The following RBMS3 variants were observed in gnomAD, a reference collection of about 807,000 sequenced individuals.
RBMS3 encodes RNA binding motif single stranded interacting protein 3, also known as RNA-binding motif, single-stranded-interacting protein 3.
Under a neutral mutation model 66.8 loss-of-function variants are expected in RBMS3, and 27 were observed. The ratio of observed to expected loss-of-function variants is 0.40; its 90% CI spans 0.30 to 0.56. The LOEUF is 0.56. Among genes scored for constraint, RBMS3 ranks in the 20% least tolerant of loss-of-function variants. RBMS3 has a pLI of 0.40. For missense variants in RBMS3, 513 were observed against 549.5 expected, an observed-to-expected ratio of 0.93 and a Z score of 0.66; for synonymous variants, 188 against 183.0, an observed-to-expected ratio of 1.03 and a Z score of -0.22.
At chr3:29,583,300 C>G (rs74788590) in intron 3 of RBMS3, among the ~76,000 whole-genome samples, 3,519 of 152,106 alleles carry the variant, frequency 0.023, 104 homozygotes, top group Admixed American at 0.092. Context: ...AGAGAAGGCA[C>G]GCTAGACTAA....
chr3:29,958,586 G>A (rs971133725), intron 12 of RBMS3, among the ~76,000 whole-genome samples: 1 of 151,958 alleles, frequency 6.6e-6, no homozygotes, highest in African/African-American at 2.4e-5. Context: ...AAACTCAATT[G>A]AATTATATTG....
intron 3 of RBMS3, among the ~76,000 whole-genome samples, chr3:29,586,826 A>G (rs1193238466): frequency 1.3e-5 from 2 of 152,158 alleles, no homozygotes; most frequent in African/African-American, 2.4e-5. Flanking sequence ...ACACGGTTAA[A>G]CAGTCTATTA....
intron 3 of RBMS3, among the ~76,000 whole-genome samples, chr3:29,530,436 A>G (rs1445829789): frequency 6.6e-6 from 1 of 152,230 alleles, no homozygotes; most frequent in East Asian, 1.9e-4. Flanking sequence ...CAATTTGTAA[A>G]ATGTGCATGA....
Position 29,281,491 on chromosome 3 carries a change from T to G in RBMS3, c.-191T>G. The stretch of plus-strand genomic sequence containing the variant: ...CTCCTCGCCCTTTTTTTTTTTCCTT[T>G]GGTGTGTGTTTTTTGTTTTGTTTTG... On this transcript the variant is annotated 5_prime_UTR_variant, in exon 1 of 15. Transcript: ENST00000383767. 1.7e-6 allele frequency: 1 copy of G among 573,002 alleles called. No individual in the cohort carries two copies. Among genetic ancestry groups the G allele is most frequent in the Non-Finnish European group, 3.1e-6 (1 of 326,480 alleles). The allele number at this position is 573,002 out of a possible 1,614,324, so 35.5% of individuals were successfully genotyped here.
At chr3:29,315,213 A>G (rs9858957) in intron 1 of RBMS3, among the ~76,000 whole-genome samples, 179 of 151,976 alleles carry the variant, frequency 1.2e-3, no homozygotes, top group African/African-American at 3.9e-3. Context: ...AGAAATATAT[A>G]CATTCAGAGA....
intron 5 of RBMS3, among the ~76,000 whole-genome samples, chr3:29,761,860 A>G (rs921416016): frequency 6.6e-5 from 10 of 152,164 alleles, no homozygotes; most frequent in African/African-American, 2.4e-4. Flanking sequence ...CACACATTTC[A>G]TACACATTCT....
At chr3:29,712,311 TTTA>T (rs1411521563) in intron 4 of RBMS3, among the ~76,000 whole-genome samples, 4 of 151,876 alleles carry the variant, frequency 2.6e-5, no homozygotes, top group Admixed American at 6.6e-5. Context: ...TTAATTTTTA[TTTA>T]TTATTATTAT....
intron 1 of RBMS3, among the ~76,000 whole-genome samples, chr3:29,299,087 G>C (rs548964734): frequency 9.2e-5 from 14 of 152,006 alleles, no homozygotes; most frequent in African/African-American, 3.4e-4. Flanking sequence ...AGGACTGTTG[G>C]AGCAAGTAGA....
intron 4 of RBMS3, among the ~76,000 whole-genome samples, chr3:29,665,254 G>A (rs917968424): frequency 6.6e-5 from 10 of 152,072 alleles, no homozygotes; most frequent in African/African-American, 9.7e-5. Flanking sequence ...TAAACATGAG[G>A]CTGCTGAAGA....
intron 2 of RBMS3, among the ~76,000 whole-genome samples, chr3:29,445,638 G>A (rs970809362): frequency 2.0e-5 from 3 of 152,054 alleles, no homozygotes; most frequent in Admixed American, 6.6e-5. Context: ...GAGCATATCT[G>A]TGTATTTGGC....
intron 13 of RBMS3, among the ~76,000 whole-genome samples, chr3:29,989,849 T>C (rs963790791): frequency 6.6e-6 from 1 of 152,200 alleles, no homozygotes; most frequent in Non-Finnish European, 1.5e-5. Context: ...AAATTAAAAA[T>C]CTGGACATTC....
At chr3:29,551,624 G>A (rs1324297764) in intron 3 of RBMS3, among the ~76,000 whole-genome samples, 1 of 152,174 alleles carries the variant, frequency 6.6e-6, no homozygotes, top group African/African-American at 2.4e-5. Flanking sequence ...TTTCATTACA[G>A]GACATATGTC....
chr3:29,303,240 T>G (rs1275384206), intron 1 of RBMS3, among the ~76,000 whole-genome samples: 1 of 152,082 alleles, frequency 6.6e-6, no homozygotes, highest in East Asian at 1.9e-4. Flanking sequence ...GCCCTTTCAT[T>G]GTGAAGTTGA....
intron 3 of RBMS3, among the ~76,000 whole-genome samples, chr3:29,527,548 T>A (rs1449087462): frequency 6.6e-6 from 1 of 152,218 alleles, no homozygotes; most frequent in Non-Finnish European, 1.5e-5. Flanking sequence ...TGTACACTTT[T>A]CATGTTCTGC....
chr3:29,820,738 C>G (rs1268243408), intron 6 of RBMS3, among the ~76,000 whole-genome samples: 3 of 152,086 alleles, frequency 2.0e-5, no homozygotes, highest in Non-Finnish European at 4.4e-5. Context: ...CTAATTAATG[C>G]ACGTGGTGCT....
At position 29,583,174 on chromosome 3, in the gene RBMS3, C is replaced by T. The variant is rs770178222; in HGVS notation, c.308-3940C>T. ...GATTCAGAGAACTCTCAGGGTGTCTCCTACCCTCACAGAAATGTCCTCCGT... is the reference window on the plus strand; with the variant it reads ...GATTCAGAGAACTCTCAGGGTGTCTTCTACCCTCACAGAAATGTCCTCCGT... On this transcript the variant is annotated intron_variant, in intron 3 of 14. Transcript: ENST00000383767. 7.0e-4 allele frequency among the ~76,000 whole-genome samples: 106 copies of T among 152,212 alleles called. 1 individual carries two copies. The Middle Eastern group carries it at 0.01, about 15-fold the overall frequency.
chr3:29,532,203 G>GTATA (rs2045376312), intron 3 of RBMS3, among the ~76,000 whole-genome samples: 1 of 135,940 alleles, frequency 7.4e-6, no homozygotes, highest in Non-Finnish European at 1.6e-5. Flanking sequence ...CCTGATCTAT[G>GTATA]TATATATGAT....
intron 12 of RBMS3, among the ~76,000 whole-genome samples, chr3:29,963,841 A>AG (rs370764038): frequency 0.13 from 19,764 of 151,008 alleles, 1,600 homozygotes; most frequent in Middle Eastern, 0.22. Context: ...AAAAAAAAAA[A>AG]AAAAGTGTAT....
intron 1 of RBMS3, among the ~76,000 whole-genome samples, chr3:29,410,296 T>C (rs1480087067): frequency 6.6e-6 from 1 of 152,212 alleles, no homozygotes; most frequent in Non-Finnish European, 1.5e-5. Context: ...AAATATCACC[T>C]ATTAGCATTC....
Sources: gnomAD v4.1 joint callset for allele counts (sites outside exome capture counted in the v4.1 genomes callset) on GRCh38, gnomAD v4.1.1 for gene constraint, MANE v1.5 for transcripts, NCBI Gene and HGNC (gene_info 2026-07-23, HGNC 2026-07-21) for gene names.